The following PDZD8 variants were observed in gnomAD, a reference collection of about 807,000 sequenced individuals.
PDZD8 encodes the protein PDZ domain-containing protein 8.
In PDZD8, 14 loss-of-function variants were observed where a neutral mutation model predicts 85.8. The observed-to-expected ratio is 0.16, with a 90% CI of 0.11 to 0.26. The LOEUF (loss-of-function observed/expected upper bound fraction) is 0.26. PDZD8 is among the 10% of genes least tolerant of loss of function. The pLI is 1.00. For missense variants in PDZD8, 1,197 were observed against 1,424.3 expected, an observed-to-expected ratio of 0.84 and a Z score of 2.57; for synonymous variants, 592 against 568.6, an observed-to-expected ratio of 1.04 and a Z score of -0.59.
At chr10:117,315,786 C>T (rs1291987627) in intron 3 of PDZD8, among the ~76,000 whole-genome samples, 6 of 151,872 alleles carry the variant, frequency 4.0e-5, no homozygotes, top group African/African-American at 1.2e-4. Context: ...TTCACATGTG[C>T]TTTAATATAT....
chr10:117,354,597 C>A (rs1213112031), intron 1 of PDZD8, among the ~76,000 whole-genome samples: 1 of 150,648 alleles, frequency 6.6e-6, no homozygotes, highest in Admixed American at 6.6e-5. Flanking sequence ...ATAGAGAGAC[C>A]AGTCAAAGTT....
intron 1 of PDZD8, among the ~76,000 whole-genome samples, chr10:117,364,874 C>T (rs1255940558): frequency 6.6e-6 from 1 of 151,180 alleles, no homozygotes; most frequent in African/African-American, 2.4e-5. Flanking sequence ...ATATTATAGT[C>T]TCATTTTACT....
chr10:117,364,757 G>C (rs930972994), intron 1 of PDZD8, among the ~76,000 whole-genome samples: 5 of 152,084 alleles, frequency 3.3e-5, no homozygotes, highest in African/African-American at 2.4e-5. Flanking sequence ...CAGAGGCAGA[G>C]AGAATGGCTG....
At chr10:117,291,869 A>AG (rs397818605) in intron 3 of PDZD8, among the ~76,000 whole-genome samples, 1 of 150,386 alleles carries the variant, frequency 6.6e-6, no homozygotes, top group East Asian at 1.9e-4. Context: ...AAAAAAAAAA[A>AG]CAGGCAGAGT....
At chr10:117,285,504 A>G in intron 4 of PDZD8, 33 bp from the exon 5 acceptor site, 1 of 1,508,642 alleles carries the variant, frequency 6.6e-7, no homozygotes, top group East Asian at 2.3e-5. Flanking sequence ...AAAACATGTA[A>G]ATTATTGCAA....
rs191667399 is a variant in PDZD8, at chr10:117,374,332, C to T, written c.872+24G>A. The T allele has an allele frequency of 1.2e-6, 2 of 1,606,310 alleles. No homozygotes were observed. Among genetic ancestry groups the T allele is most frequent in the Non-Finnish European group, 1.7e-6 (2 of 1,174,830 alleles). ...CAGGCCCGGGTTCCCGGCAGCCAGG[C>T]CCCCTCCCCGACCTCCAGCTCACCT... On this transcript the variant is annotated intron_variant, in intron 1 of 4. Transcript: ENST00000334464. The surrounding 1 kb of genome is among the most constrained non-coding windows in gnomAD (Gnocchi z 7.8).
intron 1 of PDZD8, among the ~76,000 whole-genome samples, chr10:117,359,928 GA>G (rs544759515): frequency 1.3e-3 from 191 of 151,016 alleles, no homozygotes; most frequent in African/African-American, 4.6e-3. Flanking sequence ...TTCCTACAGA[GA>G]AAAAAAAGTA....
At chr10:117,362,399 T>C (rs1845014590) in intron 1 of PDZD8, among the ~76,000 whole-genome samples, 1 of 152,130 alleles carries the variant, frequency 6.6e-6, no homozygotes, top group Non-Finnish European at 1.5e-5. Context: ...AATAACAAGT[T>C]GCATGACTTG....
intron 1 of PDZD8, among the ~76,000 whole-genome samples, chr10:117,346,926 T>C (rs961780141): frequency 1.2e-4 from 18 of 152,124 alleles, no homozygotes; most frequent in African/African-American, 4.3e-4. Context: ...TATCAATCAC[T>C]GCCCCCTCAA....
intron 1 of PDZD8, among the ~76,000 whole-genome samples, chr10:117,352,934 C>A (rs530721409): frequency 3.3e-5 from 5 of 152,048 alleles, no homozygotes; most frequent in South Asian, 2.1e-4. Flanking sequence ...TTGGTTGGGG[C>A]AGAGATGAAC....
At chr10:117,291,068 T>C (rs988701197) in intron 3 of PDZD8, among the ~76,000 whole-genome samples, 4 of 150,954 alleles carry the variant, frequency 2.6e-5, no homozygotes, top group Non-Finnish European at 4.4e-5. Context: ...AGATCGGGTT[T>C]CACCACTGTT....
chr10:117,355,281 GCCT>G (rs1193272842), intron 1 of PDZD8, among the ~76,000 whole-genome samples: 2 of 152,074 alleles, frequency 1.3e-5, no homozygotes, highest in African/African-American at 4.8e-5. Flanking sequence ...TACTTCAGTC[GCCT>G]CCTGTCTGTA....
At chr10:117,372,027 T>C (rs1303821516) in intron 1 of PDZD8, among the ~76,000 whole-genome samples, 2 of 152,282 alleles carry the variant, frequency 1.3e-5, no homozygotes, top group East Asian at 3.9e-4. Context: ...GAGGGCTGAG[T>C]TCAAGTATTG....
intron 3 of PDZD8, among the ~76,000 whole-genome samples, chr10:117,291,294 G>A: frequency 6.6e-6 from 1 of 151,912 alleles, no homozygotes; most frequent in Non-Finnish European, 1.5e-5. Context: ...CACTTGGGAG[G>A]CCGAGGTGGG....
intron 2 of PDZD8, among the ~76,000 whole-genome samples, chr10:117,320,927 C>T (rs7898092): frequency 0.23 from 35,206 of 151,982 alleles, 4,737 homozygotes; most frequent in East Asian, 0.44. Flanking sequence ...ACATCATTAG[C>T]CATTGAAGAA....
chr10:117,302,730 T>C (rs933213849), intron 3 of PDZD8, among the ~76,000 whole-genome samples: 17 of 152,174 alleles, frequency 1.1e-4, no homozygotes, highest in African/African-American at 3.9e-4. Context: ...GGGGGCGTAA[T>C]TGAATCAAGA....
chr10:117,305,238 C>T (rs897000888), intron 3 of PDZD8, among the ~76,000 whole-genome samples: 2 of 152,022 alleles, frequency 1.3e-5, no homozygotes, highest in African/African-American at 4.8e-5. Flanking sequence ...TATGCTAAAA[C>T]CCCATCTCTA....
intron 3 of PDZD8, among the ~76,000 whole-genome samples, chr10:117,307,042 A>G (rs1177687829): frequency 2.6e-5 from 4 of 152,142 alleles, no homozygotes; most frequent in African/African-American, 7.2e-5. Flanking sequence ...TTATTTTTGC[A>G]TAATCTTTGA....
chr10:117,333,731 AAT>A (rs1206535510), intron 2 of PDZD8, among the ~76,000 whole-genome samples: 1 of 152,244 alleles, frequency 6.6e-6, no homozygotes, highest in Non-Finnish European at 1.5e-5. Flanking sequence ...TTCACTTTAA[AAT>A]ATGAACATAA....
Sources: allele counts gnomAD v4.1 joint callset (sites outside exome capture counted in the v4.1 genomes callset), GRCh38; gene constraint gnomAD v4.1.1; non-coding constraint Gnocchi (gnomAD v3.1); transcripts MANE v1.5; gene names NCBI Gene and HGNC (gene_info 2026-07-23, HGNC 2026-07-21).